ZZZ3: variants seen among roughly 807,000 people sequenced by gnomAD.
ZZZ3 encodes zinc finger ZZ-type containing 3.
ZZZ3 carries 22 observed loss-of-function variants against 95.2 expected under a neutral mutation model. The observed-to-expected ratio is 0.23, with a 90% confidence interval of 0.17 to 0.33. The LOEUF (loss-of-function observed/expected upper bound fraction) is 0.33. Ranked by LOEUF, ZZZ3 falls within the 10% of genes least tolerant of loss-of-function variation. The pLI, the probability that ZZZ3 is intolerant of heterozygous loss-of-function variation, is 1.00. For missense variants in ZZZ3, 885 were observed against 1,066.5 expected, an observed-to-expected ratio of 0.83 and a Z score of 2.37; for synonymous variants, 335 against 358.9, an observed-to-expected ratio of 0.93 and a Z score of 0.75.
rs988443379 is a variant in ZZZ3 at position 77,639,621 on chromosome 1, A to G, written c.-205-19T>C. 1.6e-5 allele frequency: 7 copies of G among 443,394 alleles called. No individual in the cohort carries two copies. The highest frequency in any genetic ancestry group is 8.2e-5 in the African/African-American group (4 of 48,918). 27.5% of individuals were successfully genotyped at this position (443,394 alleles called of 1,614,324 possible). A position where few individuals can be genotyped will look rare whatever the true frequency, so the allele number is the denominator to read the frequency against. On this transcript the variant is annotated intron_variant, in intron 3 of 14. Coordinates refer to ENST00000370801, the MANE Select transcript of ZZZ3 (RefSeq NM_015534.6). ...AATTTTTCTTTAAAATAAAATAATG[A>G]AAAAAAAGGATTAAAGAAGATGATG...
rs746667676 is a variant in ZZZ3, at chr1:77,632,039, C to T, written c.1316G>A (p.Gly439Glu). Reference sequence around the variant, plus strand: ...ATTATTTTGAGAGTCACAACATATCCCTTTTTCATTTTGAGAAATTTCACC... The same window carrying T: ...ATTATTTTGAGAGTCACAACATATCTCTTTTTCATTTTGAGAAATTTCACC... ...NPGEISQNEKGICCDSQNNGS... is the reference protein window; with the variant it reads ...NPGEISQNEKEICCDSQNNGS... The change falls in exon 5 of 15, where the codon GGG (glycine) becomes GAG (glutamate). Residue 439 changes from glycine to glutamate, a missense_variant. By Grantham distance (98) the Gly-to-Glu change is moderately conservative. Around this residue, in one of 5 missense-constraint regions of ZZZ3, gnomAD observed 556 missense variants for 652.9 expected, o/e 0.85. Transcript: ENST00000370801. 6.8e-6 allele frequency: 11 copies of T among 1,613,946 alleles called. No homozygotes were observed. The highest frequency in any genetic ancestry group is 9.3e-6 in the Non-Finnish European group (11 of 1,179,986).
intron 5 of ZZZ3, among the ~76,000 whole-genome samples, chr1:77,623,989 T>C (rs1323190483): frequency 6.6e-6 from 1 of 152,124 alleles, no homozygotes; most frequent in African/African-American, 2.4e-5. Context: ...TACATTACAA[T>C]ATCTGATAAC....
At chr1:77,646,587 C>T (rs2100936321) in intron 1 of ZZZ3, among the ~76,000 whole-genome samples, 1 of 152,184 alleles carries the variant, frequency 6.6e-6, no homozygotes, top group East Asian at 1.9e-4. Context: ...CATTCTCCTA[C>T]CTAAAATTCT....
chr1:77,636,319 G>A (rs1045407385), intron 4 of ZZZ3, among the ~76,000 whole-genome samples: 1 of 152,102 alleles, frequency 6.6e-6, no homozygotes, highest in Non-Finnish European at 1.5e-5. Context: ...AATTTGCCTT[G>A]CAGTACAAAC....
At chr1:77,667,720 A>AT (rs1671365411) in intron 1 of ZZZ3, among the ~76,000 whole-genome samples, 2 of 149,496 alleles carry the variant, frequency 1.3e-5, no homozygotes, top group Admixed American at 6.6e-5. Flanking sequence ...AAGTCAAATG[A>AT]TTTTTTAAAT....
intron 5 of ZZZ3, among the ~76,000 whole-genome samples, chr1:77,615,618 G>A (rs949308600): frequency 3.3e-5 from 5 of 151,892 alleles, no homozygotes; most frequent in African/African-American, 1.2e-4. Context: ...TTTTATTTTT[G>A]ACAAAAAATA....
chr1:77,682,844 C>A (rs1557793225), upstream of ZZZ3, among the ~76,000 whole-genome samples: 1 of 152,238 alleles, frequency 6.6e-6, no homozygotes, highest in Non-Finnish European at 1.5e-5. Flanking sequence ...TTATACGTCT[C>A]CTCCTTTCCC....
At chr1:77,678,744 A>T (rs1438822019) in intron 1 of ZZZ3, among the ~76,000 whole-genome samples, 1 of 152,186 alleles carries the variant, frequency 6.6e-6, no homozygotes, top group African/African-American at 2.4e-5. Flanking sequence ...TTATCTGTGG[A>T]CTAATTCCAA....
intron 5 of ZZZ3, among the ~76,000 whole-genome samples, chr1:77,603,786 A>T (rs1022758349): frequency 6.6e-6 from 1 of 152,224 alleles, no homozygotes; most frequent in Non-Finnish European, 1.5e-5. Flanking sequence ...AAAAAAAAAG[A>T]GGAATATTTC....
chr1:77,607,738 A>T (rs1665386884), intron 5 of ZZZ3, among the ~76,000 whole-genome samples: 1 of 152,094 alleles, frequency 6.6e-6, no homozygotes, highest in South Asian at 2.1e-4. Context: ...CCTGGCGAAC[A>T]TGGTGAAACC....
At chr1:77,626,307 T>A (rs1486031488) in intron 5 of ZZZ3, among the ~76,000 whole-genome samples, 2 of 152,216 alleles carry the variant, frequency 1.3e-5, no homozygotes, top group African/African-American at 4.8e-5. Context: ...GCACATTACA[T>A]TTACTGTGTA....
At chr1:77,611,627 G>A (rs1163354807) in intron 5 of ZZZ3, among the ~76,000 whole-genome samples, 2 of 151,872 alleles carry the variant, frequency 1.3e-5, no homozygotes, top group Non-Finnish European at 2.9e-5. Context: ...AAAATAGGAT[G>A]GTACTGACAT....
At chr1:77,596,378 T>C (rs1194699357) in intron 5 of ZZZ3, among the ~76,000 whole-genome samples, 2 of 152,136 alleles carry the variant, frequency 1.3e-5, no homozygotes, top group Non-Finnish European at 2.9e-5. Flanking sequence ...GAGGATTGCA[T>C]ACATGAAGCA....
intron 13 of ZZZ3, 67 bp downstream of exon 13, chr1:77,568,265 T>G: frequency 7.2e-7 from 1 of 1,390,718 alleles, no homozygotes. Flanking sequence ...GGCAACAGAG[T>G]GAGACTCTGT....
intron 1 of ZZZ3, among the ~76,000 whole-genome samples, chr1:77,655,690 T>C (rs1328690385): frequency 6.6e-6 from 1 of 152,212 alleles, no homozygotes; most frequent in East Asian, 1.9e-4. Flanking sequence ...AAAGCTGAAT[T>C]TGTCAGCAGT....
intron 1 of ZZZ3, among the ~76,000 whole-genome samples, chr1:77,643,690 G>C (rs756525887): frequency 6.6e-6 from 1 of 152,154 alleles, no homozygotes; most frequent in Non-Finnish European, 1.5e-5. Context: ...TAGATTACGT[G>C]ATCTCAGATT....
At chr1:77,628,992 C>T (rs75356793) in intron 5 of ZZZ3, among the ~76,000 whole-genome samples, 9,433 of 152,174 alleles carry the variant, frequency 0.062, 566 homozygotes, top group African/African-American at 0.16. Context: ...CCTTCAAGTG[C>T]CTTTTTTTAA....
At chr1:77,569,487 C>CA (rs1661157456) in intron 12 of ZZZ3, among the ~76,000 whole-genome samples, 1 of 152,190 alleles carries the variant, frequency 6.6e-6, no homozygotes, top group South Asian at 2.1e-4. Context: ...GCTTTCTACT[C>CA]AAAGTATTAA....
At chr1:77,642,951 A>G (rs1668919209) in intron 1 of ZZZ3, among the ~76,000 whole-genome samples, 1 of 152,102 alleles carries the variant, frequency 6.6e-6, no homozygotes, top group Non-Finnish European at 1.5e-5. Context: ...AAGTAACACC[A>G]TAAAAAAATT....
Sources: gnomAD v4.1 joint callset for allele counts (sites outside exome capture counted in the v4.1 genomes callset) on GRCh38, gnomAD v4.1.1 for gene constraint, gnomAD v4.1.1 regional missense constraint, MANE v1.5 for transcripts, NCBI Gene and HGNC (gene_info 2026-07-23, HGNC 2026-07-21) for gene names.